KCNH1: variants seen among roughly 807,000 people sequenced by gnomAD.
KCNH1 encodes potassium voltage-gated channel subfamily H member 1.
Under a neutral mutation model 69.2 loss-of-function variants are expected in KCNH1, and 27 were observed. The ratio of observed to expected loss-of-function variants is 0.39; its 90% CI spans 0.29 to 0.54. The LOEUF (loss-of-function observed/expected upper bound fraction) is 0.54. Among genes scored for constraint, KCNH1 ranks in the 20% least tolerant of loss-of-function variants. The pLI is 0.68. For missense variants in KCNH1, 798 were observed against 1,261.6 expected (o/e 0.63, Z 5.57); for synonymous variants, 456 against 487.7 (o/e 0.93, Z 0.86).
chr1:210,797,439 G>A (rs1684337798), intron 9 of KCNH1, 69 bp downstream of exon 9: 3 of 1,542,422 alleles, frequency 1.9e-6, no homozygotes, highest in Non-Finnish European at 1.8e-6. Flanking sequence ...AGGTGGCAGT[G>A]GCATTGAGCT....
chr1:211,107,389 A>G lies in KCNH1; in HGVS notation c.80-12T>C. 8 of 1,599,924 alleles carry G rather than the reference A, an allele frequency of 5.0e-6. No individual in the cohort carries two copies. Among genetic ancestry groups the G allele is most frequent in the Non-Finnish European group, 6.0e-6 (7 of 1,175,152 alleles). On this transcript the variant is annotated splice_polypyrimidine_tract_variant and intron_variant, in intron 1 of 10. Transcript: ENST00000271751. Reference sequence around the variant, plus strand: ...CACAAAATTAGTATCTGTTAAAAAAAAAAAAAAGGGAAAAAAGGGCACATG... The same window carrying G: ...CACAAAATTAGTATCTGTTAAAAAAGAAAAAAAGGGAAAAAAGGGCACATG...
chr1:210,737,482 C>T lies in KCNH1; in HGVS notation c.2112+37866G>A, dbSNP rs74156054. 1.0e-2 allele frequency among the ~76,000 whole-genome samples: 1,522 copies of T among 152,330 alleles called. 24 individuals are homozygous for T. Among genetic ancestry groups the T allele is most frequent in the African/African-American group, 0.034 (1,423 of 41,574 alleles). ...CTACTCAGGATTCAGACTCTGACCTCTTCCCTTGTCTATCTGTATTCATTT... is the reference window on the plus strand; with the variant it reads ...CTACTCAGGATTCAGACTCTGACCTTTTCCCTTGTCTATCTGTATTCATTT... On this transcript the variant is annotated intron_variant, in intron 10 of 10. Transcript: ENST00000271751.
rs112234955 is a variant in KCNH1, at chr1:210,859,338, A to G, written c.1463-55172T>C. The G allele has an allele frequency of 3.4e-4, 519 of 1,526,882 alleles. 2 individuals carry two copies. The African/African-American group carries it at 6.1e-3, about 18-fold the overall frequency. 94.6% of individuals were successfully genotyped at this position (1,526,882 alleles called of 1,614,324 possible). On this transcript the variant is annotated intron_variant, in intron 7 of 10. Coordinates refer to ENST00000271751, the MANE Select transcript of KCNH1 (RefSeq NM_172362.3). ...GTAACTGTTTTCTTTGTTCTTCATTAAGACCATGAGTCAGACCCTGATCCC... is the reference window on the plus strand; with the variant it reads ...GTAACTGTTTTCTTTGTTCTTCATTGAGACCATGAGTCAGACCCTGATCCC...
intron 7 of KCNH1, among the ~76,000 whole-genome samples, chr1:210,886,330 A>C (rs954969960): frequency 6.6e-6 from 1 of 152,184 alleles, no homozygotes; most frequent in Non-Finnish European, 1.5e-5. Flanking sequence ...AAACTAACAA[A>C]CAGAAAGGAA....
chr1:210,817,002 C>T (rs1684830274), intron 7 of KCNH1, among the ~76,000 whole-genome samples: 3 of 152,058 alleles, frequency 2.0e-5, no homozygotes, highest in African/African-American at 7.2e-5. Context: ...TAATTTTTGC[C>T]AACTCTAATC....
At chr1:210,689,841 C>A (rs1256611198) in intron 10 of KCNH1, among the ~76,000 whole-genome samples, 1 of 152,232 alleles carries the variant, frequency 6.6e-6, no homozygotes, top group African/African-American at 2.4e-5. Context: ...CGTGGCAGGG[C>A]TAGAAACTGG....
rs796996368 is a variant in KCNH1 at position 210,811,613 on chromosome 1, C to T, written c.1463-7447G>A. Among the ~76,000 whole-genome samples the T allele has an allele frequency of 4.6e-5, 7 of 152,224 alleles. No homozygotes were observed. In the East Asian group the frequency reaches 1.3e-3, roughly 29 times the overall value. On this transcript the variant is annotated intron_variant, in intron 7 of 10. Coordinates refer to ENST00000271751, the MANE Select transcript of KCNH1 (RefSeq NM_172362.3). ...AGGGGTAATCAGATATAAACATGTG[C>T]ATTCAGCCAGCCATTACAGCAAAAG...
chr1:210,686,918 T>C (rs1210461146), intron 10 of KCNH1, among the ~76,000 whole-genome samples: 1 of 152,324 alleles, frequency 6.6e-6, no homozygotes, highest in South Asian at 2.1e-4. Flanking sequence ...TTTCCAGCTG[T>C]TTGAAGTGCC....
intron 10 of KCNH1, among the ~76,000 whole-genome samples, chr1:210,701,120 G>C (rs921073979): frequency 6.6e-6 from 1 of 152,008 alleles, no homozygotes; most frequent in Non-Finnish European, 1.5e-5. Context: ...TGTGTTTTTA[G>C]TAGAGACGGG....
intron 10 of KCNH1, among the ~76,000 whole-genome samples, chr1:210,687,216 C>T (rs12141923): frequency 0.34 from 52,357 of 152,124 alleles, 10,332 homozygotes; most frequent in South Asian, 0.52. Context: ...AAAGGCTTAA[C>T]ATAATTCATG....
In KCNH1 at chr1:211,133,937, C is replaced by T. The variant is rs752274336; in HGVS notation, c.9G>A (p.Met3Ile). 1.7e-5 allele frequency: 27 copies of T among 1,608,896 alleles called. No homozygotes were observed. The highest frequency in any genetic ancestry group is 1.7e-5 in the Admixed American group (1 of 59,246). ...CCACTAGTCCCCTCCTGCCCCCAGC[C>T]ATGGTCATCCTCCCAGCAGCTCGGG... The part of the protein sequence containing the change: MT[M>I]AGGRRGLVAP... The change falls in exon 1 of 11, where the codon ATG becomes ATA. Residue 3 changes from methionine (M) to isoleucine (I), a missense_variant. By Grantham distance (10) the Met-to-Ile change is conservative. Around this residue, in one of 4 missense-constraint regions of KCNH1, gnomAD observed 266 missense variants for 457.2 expected, o/e 0.58. Coordinates refer to ENST00000271751, the MANE Select transcript of KCNH1 (RefSeq NM_172362.3). The surrounding 1 kb of genome is among the most constrained non-coding windows in gnomAD (Gnocchi z 5.4).
intron 5 of KCNH1, among the ~76,000 whole-genome samples, chr1:211,053,242 A>C (rs1323282288): frequency 1.3e-5 from 2 of 152,218 alleles, no homozygotes; most frequent in African/African-American, 4.8e-5. Flanking sequence ...TATCCTATTC[A>C]TAAGAGCATG....
intron 7 of KCNH1, among the ~76,000 whole-genome samples, chr1:210,864,777 T>C (rs1188168079): frequency 6.6e-6 from 1 of 152,208 alleles, no homozygotes; most frequent in Non-Finnish European, 1.5e-5. Flanking sequence ...ATGGCTTGTC[T>C]CTCTTTCTTA....
intron 7 of KCNH1, among the ~76,000 whole-genome samples, chr1:210,817,161 C>A (rs1031142657): frequency 6.6e-6 from 1 of 151,952 alleles, no homozygotes; most frequent in Admixed American, 6.6e-5. Context: ...TAATAATTAC[C>A]CAAAATAATA....
intron 7 of KCNH1, among the ~76,000 whole-genome samples, chr1:210,845,579 C>T (rs1685524966): frequency 6.6e-6 from 1 of 152,146 alleles, no homozygotes; most frequent in South Asian, 2.1e-4. Flanking sequence ...GGACGTATCT[C>T]AAAATAATGA....
At chr1:210,807,615 A>G (rs1684610966) in intron 7 of KCNH1, among the ~76,000 whole-genome samples, 1 of 151,338 alleles carries the variant, frequency 6.6e-6, no homozygotes, top group Admixed American at 6.6e-5. Flanking sequence ...ACTGTCTCAA[A>G]AAGATAAATA....
intron 5 of KCNH1, among the ~76,000 whole-genome samples, chr1:211,057,641 A>G (rs2102446398): frequency 6.6e-6 from 1 of 152,198 alleles, no homozygotes; most frequent in Non-Finnish European, 1.5e-5. Context: ...CCTGTCCCAA[A>G]AAAATGAGAA....
At chr1:210,948,203 T>TAAAAAAAAAAA (rs879884169) in intron 6 of KCNH1, among the ~76,000 whole-genome samples, 1 of 138,596 alleles carries the variant, frequency 7.2e-6, no homozygotes, top group Non-Finnish European at 1.6e-5. Flanking sequence ...CCTGTCTCTT[T>TAAAAAAAAAAA]AAAAAAAAAA....
At chr1:211,001,909 A>G (rs1689187039) in intron 6 of KCNH1, among the ~76,000 whole-genome samples, 1 of 151,940 alleles carries the variant, frequency 6.6e-6, no homozygotes. Flanking sequence ...AACTATCACA[A>G]GGACAAAAAA....
Sources: allele counts gnomAD v4.1 joint callset (sites outside exome capture counted in the v4.1 genomes callset), GRCh38; gene constraint gnomAD v4.1.1; regional missense constraint gnomAD v4.1.1; non-coding constraint Gnocchi (gnomAD v3.1); transcripts MANE v1.5; gene names NCBI Gene and HGNC (gene_info 2026-07-23, HGNC 2026-07-21).